The following FAM9C variants were observed in gnomAD, a reference collection of about 807,000 sequenced individuals.
The protein encoded by FAM9C is protein FAM9C.
A neutral mutation model predicts 14.8 loss-of-function variants in FAM9C; 15 were observed. That is an observed-to-expected ratio of 1.02 (90% CI 0.68 to 1.56). The LOEUF is 1.56. Among genes scored for constraint, FAM9C ranks in the 40% most tolerant of loss-of-function variants. FAM9C has a pLI of 0.00. For missense variants in FAM9C, 116 were observed against 118.0 expected (o/e 0.98, Z 0.08); for synonymous variants, 45 against 37.5 (o/e 1.20, Z -0.74).
rs1343695728 is a variant in FAM9C at position 13,039,900 on chromosome X, T to C, written c.346A>G (p.Arg116Gly). 1.7e-6 allele frequency: 2 copies of C among 1,204,294 alleles called. No homozygotes were observed. The highest frequency in any genetic ancestry group is 3.5e-5 in the African/African-American group (2 of 57,241). Residue 116 changes from arginine (R) to glycine (G), a missense_variant, in exon 6 of 8, where the codon AGA becomes GGA. Arg to Gly is a moderately radical substitution (Grantham distance 125, BLOSUM62 -2). Coordinates refer to ENST00000380625, the MANE Select transcript of FAM9C (RefSeq NM_174901.6). ...ACATTCGGCAACTTCAGAGAAATTCTATAATCACGTTTCTGCCTGTAACAC... is the reference window on the plus strand; with the variant it reads ...ACATTCGGCAACTTCAGAGAAATTCCATAATCACGTTTCTGCCTGTAACAC... ...TQLKRQKRDY[R>G]ISLKLPNVLE...
chrX:13,038,367 C>T, intron 7 of FAM9C, 49 bp downstream of exon 7: 1 of 943,560 alleles, frequency 1.1e-6, no homozygotes, highest in East Asian at 3.4e-5. Context: ...TATTTTTATG[C>T]ATGTGTTGTA....
At chrX:13,042,574 C>A in intron 4 of FAM9C, 1 of 202,455 alleles carries the variant, frequency 4.9e-6, no homozygotes, top group Non-Finnish European at 8.8e-6. Context: ...AAAGTAAAAG[C>A]TAAAAAAAAA....
chrX:13,044,321 A>ACCCCCCCCCC (rs748879259), intron 1 of FAM9C, among the ~76,000 whole-genome samples: 4 of 76,842 alleles, frequency 5.2e-5, no homozygotes, highest in Non-Finnish European at 9.8e-5. Flanking sequence ...TGACCCCCCG[A>ACCCCCCCCCC]CCCCCCCCCA....
In FAM9C at chrX:13,043,134, T is replaced by C. The variant is rs1456634173; in HGVS notation, c.176A>G (p.His59Arg). ...AGGGACTTAAACACTTTACCCCGTG[T>C]GTTCATCTGTTTCAGCAAAAGATCC... ...ERGSFAETDE[H>R]TGVDTKELED... The change falls in exon 3 of 8, where the codon CAC becomes CGC. Residue 59 changes from histidine to arginine, a missense_variant. By Grantham distance (29) the His-to-Arg change is conservative. Coordinates refer to ENST00000380625, the MANE Select transcript of FAM9C (RefSeq NM_174901.6). The C allele has an allele frequency of 8.3e-7, 1 of 1,207,720 alleles. No individual in the cohort carries two copies. The highest frequency in any genetic ancestry group is 1.1e-6 in the Non-Finnish European group (1 of 894,301).
intron 1 of FAM9C, 108 bp from the exon 2 acceptor site, chrX:13,043,965 G>A: frequency 4.4e-6 from 2 of 459,461 alleles, no homozygotes; most frequent in Non-Finnish European, 7.6e-6. Flanking sequence ...GTGGGAGCAG[G>A]AGGGGACGCG....
rs935524367 is a variant in FAM9C, at chrX:13,043,237, C to G, written c.73G>C (p.Val25Leu). The change falls in exon 3 of 8, where the codon GTA becomes CTA. Residue 25 changes from valine (V) to leucine (L), a missense_variant. Transcript: ENST00000380625. ...TTTCTTTCCTCATGCTCATGACTTA[C>G]TGGATCCTTTCCTGCATTAAAATAA... ...QEMELAGKDP[V>L]SHEHEERKPV... The G allele has an allele frequency of 2.5e-6, 3 of 1,201,871 alleles. No individual in the cohort carries two copies. Among genetic ancestry groups the G allele is most frequent in the Non-Finnish European group, 3.4e-6 (3 of 892,666 alleles).
At chrX:13,042,531 A>G (rs946859543) in intron 4 of FAM9C, 3 of 167,469 alleles carry the variant, frequency 1.8e-5, no homozygotes, top group East Asian at 1.7e-4. Context: ...CAATTTATCT[A>G]TATAACGAAC....
intron 4 of FAM9C, chrX:13,042,612 C>A: frequency 3.0e-6 from 1 of 329,740 alleles, no homozygotes; most frequent in Non-Finnish European, 5.3e-6. Flanking sequence ...TGTGTGTACA[C>A]TGAAAGGAAC....
intron 5 of FAM9C, 167 bp downstream of exon 5, chrX:13,040,591 T>C: frequency 2.8e-6 from 1 of 352,920 alleles, no homozygotes; most frequent in South Asian, 9.6e-5. Context: ...TTCTGTTAAA[T>C]TGAGGTTATA....
At chrX:13,043,617 C>A in intron 2 of FAM9C, 112 bp downstream of exon 2, 1 of 962,604 alleles carries the variant, frequency 1.0e-6, no homozygotes, top group Non-Finnish European at 1.5e-6. Context: ...ACGGTGAGCT[C>A]CAAAGCCACG....
rs769444360 is a variant in FAM9C, at chrX:13,040,807, C to T, written c.280G>A (p.Glu94Lys). Residue 94 changes from glutamate to lysine, a missense_variant, in exon 5 of 8, where the codon GAA becomes AAA. By Grantham distance (56) the Glu-to-Lys change is moderately conservative. Transcript: ENST00000380625. ...ACATTTTTAATTCTGTTCTTTATTT[C>T]GCTGCAAGCTTTTGCAATCTTTTCA... ...RIEKIAKACS[E>K]IKNRIKNVLR... 6 of 1,195,380 alleles carry T rather than the reference C, an allele frequency of 5.0e-6. No homozygotes were observed. The African/African-American group carries it at 5.3e-5, about 11-fold the overall frequency.
At chrX:13,042,684 G>A (rs1407288460) in intron 4 of FAM9C, 2 of 433,617 alleles carry the variant, frequency 4.6e-6, no homozygotes, top group Admixed American at 7.8e-5. Flanking sequence ...ATTTCCACGT[G>A]TATGAAAGAA....
At chrX:13,040,926 G>A in intron 4 of FAM9C, 54 bp from the exon 5 acceptor site, 1 of 724,243 alleles carries the variant, frequency 1.4e-6, no homozygotes, top group Non-Finnish European at 2.0e-6. Flanking sequence ...TAGTTTCTTT[G>A]CATATATTAA....
At chrX:13,043,328 T>C in intron 2 of FAM9C, 80 bp from the exon 3 acceptor site, 1 of 1,111,829 alleles carries the variant, frequency 9.0e-7, no homozygotes, top group South Asian at 2.3e-5. Context: ...ACGTACTATT[T>C]GTAGACTTTT....
intron 7 of FAM9C, chrX:13,037,394 T>G (rs767087331): frequency 2.0e-4 from 22 of 112,631 alleles, no homozygotes; most frequent in African/African-American, 6.8e-4. Flanking sequence ...GATACCGAAG[T>G]TCCTACCCTA....
In FAM9C at chrX:13,038,425, T is replaced by C. The variant is rs1317318839; in HGVS notation, c.*16A>G. 4.2e-6 allele frequency: 5 copies of C among 1,196,369 alleles called. No individual in the cohort carries two copies. Among genetic ancestry groups the C allele is most frequent in the Middle Eastern group, 3.0e-4 (1 of 3,344 alleles). ...ACCAAATAGAACAGACCTTTGTGAA[T>C]TGCTCGTGTGGTGGCTCAATCTCTT... On this transcript the variant is annotated 3_prime_UTR_variant, in exon 7 of 8. Transcript: ENST00000380625.
At position 13,041,786 on chromosome X, in the gene FAM9C, T is replaced by A. The variant is rs2043529973; in HGVS notation, c.215-914A>T. On this transcript the variant is annotated intron_variant, in intron 4 of 7. Transcript: ENST00000380625. The stretch of plus-strand genomic sequence containing the variant: ...TATGACATTTTTATCCACAGTGCAG[T>A]GTTTCAGAAAACTGTAATACTGCAA... 3.6e-5 allele frequency: 4 copies of A among 112,607 alleles called. No homozygotes were observed. In the South Asian group the frequency reaches 1.5e-3, roughly 41 times the overall value. The allele number at this position is 112,607 out of a possible 1,213,427, so 9.3% of individuals were successfully genotyped here.
intron 3 of FAM9C, 26 bp from the exon 4 acceptor site, chrX:13,042,975 T>G: frequency 3.4e-6 from 4 of 1,180,602 alleles, no homozygotes; most frequent in African/African-American, 1.8e-5. Context: ...GCAACACAAT[T>G]TTAACATAAT....
At chrX:13,041,146 C>A (rs1602493491) in intron 4 of FAM9C, 1 of 164,474 alleles carries the variant, frequency 6.1e-6, no homozygotes, top group Non-Finnish European at 1.1e-5. Context: ...TTTAAGTGTG[C>A]AGAAAGGGTT....
Sources: allele counts gnomAD v4.1 joint callset (sites outside exome capture counted in the v4.1 genomes callset), GRCh38; gene constraint gnomAD v4.1.1; transcripts MANE v1.5; gene names NCBI Gene and HGNC (gene_info 2026-07-23, HGNC 2026-07-21).